The following LBX2 variants were observed in gnomAD, a reference collection of about 807,000 sequenced individuals.
LBX2 encodes the protein transcription factor LBX2.
A neutral mutation model predicts 7.5 loss-of-function variants in LBX2; 6 were observed. The ratio of observed to expected loss-of-function variants is 0.80; its 90% CI spans 0.44 to 1.59. LBX2 has a LOEUF of 1.59. Ranked by LOEUF, LBX2 falls within the 40% of genes most tolerant of loss-of-function variation. LBX2 has a pLI of 0.01. For missense variants in LBX2, 281 were observed against 282.0 expected, an observed-to-expected ratio of 1.00 and a Z score of 0.03; for synonymous variants, 143 against 133.2, an observed-to-expected ratio of 1.07 and a Z score of -0.51.
rs1195884588 is a variant in LBX2, at chr2:74,499,505, C to T, written c.33G>A (p.Arg11=). The T allele has an allele frequency of 6.5e-7, 1 of 1,549,742 alleles. No homozygotes were observed. Among genetic ancestry groups the T allele is most frequent in the East Asian group, 2.4e-5 (1 of 40,892 alleles). ...GGATGTCTGCGATGCTTAAGAGTGT[C>T]CGGGGTGTTCGGGGCTCGCGTCCCG... The part of the protein sequence containing the change: MNSGREPRTP[R]TLLSIADILA... Residue 11 remains arginine, a synonymous_variant, in exon 1 of 2, where the codon CGG becomes CGA. Coordinates refer to ENST00000377566, the MANE Select transcript of LBX2 (RefSeq NM_001282430.2). This position sits in a 1 kb window ranked among gnomAD's most constrained non-coding sequence, Gnocchi z 4.6.
In LBX2 at chr2:74,498,333, AG is replaced by A. The variant is rs768744803; in HGVS notation, c.206-16del. On this transcript the variant is annotated splice_polypyrimidine_tract_variant and intron_variant, in intron 1 of 1. Coordinates refer to ENST00000377566, the MANE Select transcript of LBX2 (RefSeq NM_001282430.2). Reference sequence around the variant, plus strand: ...ACCTGCCCGCCCTGTAGGGATAGGGAGGGGGTCAGTTTCCAGCCTCCGGGAA... The same window carrying A: ...ACCTGCCCGCCCTGTAGGGATAGGGAGGGGTCAGTTTCCAGCCTCCGGGAA... 3.5e-4 allele frequency: 526 copies of A among 1,483,656 alleles called. No individual in the cohort carries two copies. Among genetic ancestry groups the A allele is most frequent in the Non-Finnish European group, 4.4e-4 (497 of 1,120,774 alleles). The allele number at this position is 1,483,656 out of a possible 1,614,324, so 91.9% of individuals were successfully genotyped here. A position where few individuals can be genotyped will look rare whatever the true frequency, so the allele number is the denominator to read the frequency against.
chr2:74,502,556 G>C (rs952538656), upstream of LBX2: 5 of 1,102,922 alleles, frequency 4.5e-6, no homozygotes, highest in Non-Finnish European at 6.6e-6. The surrounding 1 kb of genome is among the most constrained non-coding windows in gnomAD (Gnocchi z 5.4). Context: ...AAGTCCAGGC[G>C]GAGGAGCGTG....
In LBX2 at chr2:74,497,674, C is replaced by T; in HGVS notation, c.*253G>A. 1 of 401,500 alleles carries T rather than the reference C, an allele frequency of 2.5e-6. No individual in the cohort carries two copies. The highest frequency in any genetic ancestry group is 4.4e-6 in the Non-Finnish European group (1 of 227,676). 24.9% of individuals were successfully genotyped at this position (401,500 alleles called of 1,614,324 possible). A position where few individuals can be genotyped will look rare whatever the true frequency, so the allele number is the denominator to read the frequency against. ...TCGGGAGGTTGAGGCAGGAGGATCGCTTGAGCCCAGGAGGTCGCGACTGCA... is the reference window on the plus strand; with the variant it reads ...TCGGGAGGTTGAGGCAGGAGGATCGTTTGAGCCCAGGAGGTCGCGACTGCA... On this transcript the variant is annotated 3_prime_UTR_variant, in exon 2 of 2. Transcript: ENST00000377566.
chr2:74,499,546 G>A lies in LBX2; in HGVS notation c.-9C>T. On this transcript the variant is annotated 5_prime_UTR_variant, in exon 1 of 2. Coordinates refer to ENST00000377566, the MANE Select transcript of LBX2 (RefSeq NM_001282430.2). The surrounding 1 kb of genome is among the most constrained non-coding windows in gnomAD (Gnocchi z 4.6). ...TCGCGTCCCGAGTTCATGGTCGGCC[G>A]GGCTGGGGCGGTCCGGCTGTCCGTT... 1.9e-6 allele frequency: 3 copies of A among 1,543,316 alleles called. No individual in the cohort carries two copies. The highest frequency in any genetic ancestry group is 1.2e-5 in the South Asian group (1 of 83,860).
At chr2:74,501,468 T>A (rs1674481849), upstream of LBX2, 1 of 152,240 alleles carries the variant, frequency 6.6e-6, no homozygotes, top group Non-Finnish European at 1.5e-5. Context: ...CTTTTGTGTC[T>A]GTCTCTACCT....
At chr2:74,502,933 TG>T, upstream of LBX2, 3 of 1,316,368 alleles carry the variant, frequency 2.3e-6, no homozygotes, top group Non-Finnish European at 3.1e-6. This position sits in a 1 kb window ranked among gnomAD's most constrained non-coding sequence, Gnocchi z 5.4. Context: ...GAGCAAATCC[TG>T]GTGCTGTCGC....
chr2:74,499,752 A>C, upstream of LBX2: 2 of 599,024 alleles, frequency 3.3e-6, no homozygotes, highest in Non-Finnish European at 2.9e-6. This position sits in a 1 kb window ranked among gnomAD's most constrained non-coding sequence, Gnocchi z 4.6. Context: ...GTATTTCTAC[A>C]GGCTGGGGCA....
At chr2:74,502,798 C>G, upstream of LBX2, 1 of 1,613,996 alleles carries the variant, frequency 6.2e-7, no homozygotes, top group Non-Finnish European at 8.5e-7. The surrounding 1 kb of genome is among the most constrained non-coding windows in gnomAD (Gnocchi z 5.4). Flanking sequence ...CCGACGCCCT[C>G]CTCGACACTT....
chr2:74,502,256 G>A, upstream of LBX2: 1 of 205,354 alleles, frequency 4.9e-6, no homozygotes. The surrounding 1 kb of genome is among the most constrained non-coding windows in gnomAD (Gnocchi z 5.4). Context: ...ACCTTATCTT[G>A]CACCCACACA....
At position 74,499,462 on chromosome 2, in the gene LBX2, G is replaced by T. The variant is rs1477212414; in HGVS notation, c.76C>A (p.Pro26Thr). The T allele has an allele frequency of 1.9e-6, 3 of 1,550,450 alleles. No homozygotes were observed. Among genetic ancestry groups the T allele is most frequent in the East Asian group, 2.4e-5 (1 of 40,934 alleles). The change falls in exon 1 of 2, where the codon CCC becomes ACC. Residue 26 changes from proline to threonine, a missense_variant. Physicochemically the swap from Pro to Thr is conservative, Grantham distance 38 (BLOSUM62 -1). This residue lies in a region of LBX2 where 216 missense variants were observed against 208.7 expected (regional missense o/e 1.03). Coordinates refer to ENST00000377566, the MANE Select transcript of LBX2 (RefSeq NM_001282430.2). This position sits in a 1 kb window ranked among gnomAD's most constrained non-coding sequence, Gnocchi z 4.6. ...IADILAPRMV[P>T]RAPSAPQLPE... ...AGCTGCGGCGCAGAGGGTGCTCGGG[G>T]GACCATGCGCGGGGCTAGGATGTCT...
Position 74,499,237 on chromosome 2 carries a change from T to G in LBX2, c.205+96A>C, listed in dbSNP as rs919141924. ...GAGGACAGGGGAGGATTAGGGTGGG[T>G]GGCCTGGGCTGGGACAAAGGTTTGA... On this transcript the variant is annotated intron_variant, in intron 1 of 1. Coordinates refer to ENST00000377566, the MANE Select transcript of LBX2 (RefSeq NM_001282430.2). This position sits in a 1 kb window ranked among gnomAD's most constrained non-coding sequence, Gnocchi z 4.6. The G allele has an allele frequency of 4.5e-6, 5 of 1,107,040 alleles. No individual in the cohort carries two copies. The Admixed American group carries it at 1.0e-4, about 23-fold the overall frequency. The allele number at this position is 1,107,040 out of a possible 1,614,324, so 68.6% of individuals were successfully genotyped here. A position where few individuals can be genotyped will look rare whatever the true frequency, so the allele number is the denominator to read the frequency against.
rs1289208757 is a variant in LBX2 at position 74,497,771 on chromosome 2, A to G, written c.*156T>C. 2.9e-5 allele frequency: 24 copies of G among 825,290 alleles called. No homozygotes were observed. The highest frequency in any genetic ancestry group is 2.8e-4 in the Admixed American group (8 of 28,920). 51.1% of individuals were successfully genotyped at this position (825,290 alleles called of 1,614,324 possible). A position where few individuals can be genotyped will look rare whatever the true frequency, so the allele number is the denominator to read the frequency against. On this transcript the variant is annotated 3_prime_UTR_variant, in exon 2 of 2. Coordinates refer to ENST00000377566, the MANE Select transcript of LBX2 (RefSeq NM_001282430.2). ...AGGCCCTGTCTCAGACAACAAAACA[A>G]ACTTACAAAAAAACCGGGAAAGGTG...
chr2:74,498,162 C>A lies in LBX2; in HGVS notation c.362G>T (p.Arg121Leu), dbSNP rs756412066. Residue 121 changes from arginine (R) to leucine (L), a missense_variant, in exon 2 of 2, where the codon CGA (arginine) becomes CTA (leucine). Coordinates refer to ENST00000377566, the MANE Select transcript of LBX2 (RefSeq NM_001282430.2). ...APSERDGLAT[R>L]LGLANAQVVT... is the part of the protein sequence containing the mutation. ...CACCTGCGCGTTGGCCAGGCCGAGT[C>A]GCGTAGCTAGCCCGTCTCGCTCGGA... 6.8e-6 allele frequency: 11 copies of A among 1,612,330 alleles called. No homozygotes were observed. Among genetic ancestry groups the A allele is most frequent in the Non-Finnish European group, 9.3e-6 (11 of 1,179,304 alleles).
upstream of LBX2, chr2:74,503,006 C>T (rs1674530193): frequency 2.9e-6 from 2 of 687,934 alleles, no homozygotes; most frequent in Non-Finnish European, 4.7e-6. The surrounding 1 kb of genome is among the most constrained non-coding windows in gnomAD (Gnocchi z 5.1). Flanking sequence ...AAGGTTTGGC[C>T]CTCAGGCGAG....
In LBX2 at chr2:74,497,894, C is replaced by G; in HGVS notation, c.*33G>C. 1 of 1,512,718 alleles carries G rather than the reference C, an allele frequency of 6.6e-7. No individual in the cohort carries two copies. The highest frequency in any genetic ancestry group is 1.3e-5 in the South Asian group (1 of 75,488). The allele number at this position is 1,512,718 out of a possible 1,614,324, so 93.7% of individuals were successfully genotyped here. On this transcript the variant is annotated 3_prime_UTR_variant, in exon 2 of 2. Coordinates refer to ENST00000377566, the MANE Select transcript of LBX2 (RefSeq NM_001282430.2). ...AGAGCGCGAGGTGAGGAGTCCAGGG[C>G]CCCAGAGCCCAGGATTGGCGGCGGC...
rs925996676 is a variant in LBX2 at position 74,499,568 on chromosome 2, C to T, written c.-31G>A. On this transcript the variant is annotated 5_prime_UTR_variant, in exon 1 of 2. Coordinates refer to ENST00000377566, the MANE Select transcript of LBX2 (RefSeq NM_001282430.2). This position sits in a 1 kb window ranked among gnomAD's most constrained non-coding sequence, Gnocchi z 4.6. ...GCCGGGCTGGGGCGGTCCGGCTGTC[C>T]GTTGCGCTAGGCTCCGCAAACGCCT... 10 of 1,537,988 alleles carry T rather than the reference C, an allele frequency of 6.5e-6. No homozygotes were observed. Among genetic ancestry groups the T allele is most frequent in the Non-Finnish European group, 8.8e-6 (10 of 1,139,010 alleles).
At chr2:74,498,493 T>C (rs1674410933) in intron 1 of LBX2, among the ~76,000 whole-genome samples, 175 bp from the exon 2 acceptor site, 1 of 151,890 alleles carries the variant, frequency 6.6e-6, no homozygotes, top group African/African-American at 2.4e-5. Flanking sequence ...CAGGTGGGGA[T>C]ATGGGGCGCA....
intron 1 of LBX2, chr2:74,498,901 A>C: frequency 4.6e-6 from 1 of 217,838 alleles, no homozygotes; most frequent in Non-Finnish European, 9.1e-6. Flanking sequence ...CTGCTCCTTG[A>C]CTCCCCTCGA....
chr2:74,497,559 G>T lies in LBX2; in HGVS notation c.*368C>A. The T allele has an allele frequency of 5.4e-6, 1 of 186,656 alleles. No individual in the cohort carries two copies. The highest frequency in any genetic ancestry group is 1.1e-5 in the Non-Finnish European group (1 of 90,758). 11.6% of individuals were successfully genotyped at this position (186,656 alleles called of 1,614,324 possible). ...TTTATTCTCAAATATTGGGAAAGTAGCCTGGACAACATAGCGGGACCTCCT... is the reference window on the plus strand; with the variant it reads ...TTTATTCTCAAATATTGGGAAAGTATCCTGGACAACATAGCGGGACCTCCT... On this transcript the variant is annotated 3_prime_UTR_variant, in exon 2 of 2. Coordinates refer to ENST00000377566, the MANE Select transcript of LBX2 (RefSeq NM_001282430.2).
Sources: gnomAD v4.1 joint callset for allele counts (sites outside exome capture counted in the v4.1 genomes callset) on GRCh38, gnomAD v4.1.1 for gene constraint, gnomAD v4.1.1 regional missense constraint, Gnocchi (gnomAD v3.1) non-coding constraint, MANE v1.5 for transcripts, NCBI Gene and HGNC (gene_info 2026-07-23, HGNC 2026-07-21) for gene names.